Variants in TPCN2 observed in about 807,000 individuals in gnomAD.
The protein encoded by TPCN2 is two pore segment channel 2.
Under a neutral mutation model 111.4 loss-of-function variants are expected in TPCN2, and 92 were observed. The ratio of observed to expected loss-of-function variants is 0.83; its 90% CI spans 0.70 to 0.98. TPCN2 has a LOEUF of 0.98. Ranked by LOEUF, TPCN2 falls within the 50% of genes least tolerant of loss-of-function variation. The pLI is 0.00. For missense variants in TPCN2, 995 were observed against 980.1 expected (o/e 1.02, Z -0.20); for synonymous variants, 405 against 414.5 (o/e 0.98, Z 0.28).
chr11:69,064,849 T>C (rs1269267167), intron 7 of TPCN2, among the ~76,000 whole-genome samples: 11 of 152,020 alleles, frequency 7.2e-5, no homozygotes, highest in Admixed American at 7.2e-4. Context: ...TGTTTGTATG[T>C]GTAGGTGTAT....
chr11:69,072,277 TC>T (rs1490234522), intron 11 of TPCN2, among the ~76,000 whole-genome samples: 1 of 152,102 alleles, frequency 6.6e-6, no homozygotes, highest in African/African-American at 2.4e-5. Flanking sequence ...GGCCTTCTTG[TC>T]CCCCTTTGTG....
rs762175958 is a variant in TPCN2 at position 69,078,879 on chromosome 11, C to T, written c.1411-13C>T. On this transcript the variant is annotated splice_polypyrimidine_tract_variant and intron_variant, in intron 15 of 24. Transcript: ENST00000294309. ...TGGGGCCCAATGCTGGGTGCCTCTT[C>T]TGCCCCTTTCAGATTCTCAACTGCG... 5 of 1,614,054 alleles carry T rather than the reference C, an allele frequency of 3.1e-6. No homozygotes were observed. The South Asian group carries it at 5.5e-5, about 18-fold the overall frequency.
At chr11:69,057,199 C>T (rs1345567341) in intron 4 of TPCN2, among the ~76,000 whole-genome samples, 2 of 152,222 alleles carry the variant, frequency 1.3e-5, no homozygotes, top group Non-Finnish European at 2.9e-5. Context: ...ACCTCACTTC[C>T]CAAGCTGCCT....
rs116612690 is a variant in TPCN2 at position 69,057,419 on chromosome 11, G to A, written c.430-159G>A. On this transcript the variant is annotated intron_variant, in intron 4 of 24. Coordinates refer to ENST00000294309, the MANE Select transcript of TPCN2 (RefSeq NM_139075.4). ...CCCTAGCAGGCTTGGGCGGGAGCTC[G>A]GGCCTCCTGACTGCTGCTCTGCGTC... Among the ~76,000 whole-genome samples, 429 of 152,362 alleles carry A rather than the reference G, an allele frequency of 2.8e-3. 1 individual carries two copies. Among genetic ancestry groups the A allele is most frequent in the African/African-American group, 9.6e-3 (398 of 41,592 alleles).
Position 69,071,937 on chromosome 11 carries a change from C to A in TPCN2, c.975C>A (p.Thr325=), listed in dbSNP as rs1423810077. The A allele has an allele frequency of 6.2e-7, 1 of 1,613,894 alleles. No homozygotes were observed. Among genetic ancestry groups the A allele is most frequent in the Non-Finnish European group, 8.5e-7 (1 of 1,179,972 alleles). The change falls in exon 11 of 25, where the codon ACC becomes ACA. Residue 325 remains threonine, a synonymous_variant. Transcript: ENST00000294309. ...CCTCTTTGCAGAAATCTCTCCAGAC[C>A]TCGCTGTTTCGGAGGCGGCTGGGAA... The part of the protein sequence containing the change: ...FRGYLMKSLQ[T]SLFRRRLGTR...
At chr11:69,086,683 C>G in intron 23 of TPCN2, 79 bp downstream of exon 23, 1 of 1,404,528 alleles carries the variant, frequency 7.1e-7, no homozygotes, top group Non-Finnish European at 1.0e-6. Context: ...AGGCCACCGG[C>G]CGGGCCTGCC....
chr11:69,054,974 T>C (rs1405691240), intron 3 of TPCN2, among the ~76,000 whole-genome samples, 177 bp downstream of exon 3: 2 of 152,220 alleles, frequency 1.3e-5, no homozygotes, highest in East Asian at 3.8e-4. Flanking sequence ...AGGCTCCTTC[T>C]ACAACAAGGG....
At chr11:69,055,017 C>G (rs890585457) in intron 3 of TPCN2, 158 bp from the exon 4 acceptor site, 1 of 909,956 alleles carries the variant, frequency 1.1e-6, no homozygotes, top group Admixed American at 2.3e-5. Flanking sequence ...CAGCCCTCGG[C>G]AATGGAGCTT....
Position 69,078,747 on chromosome 11 carries a change from T to C in TPCN2, c.1364T>C (p.Leu455Pro). Residue 455 changes from leucine to proline, a missense_variant, in exon 15 of 25, where the codon CTG becomes CCG. Transcript: ENST00000294309. ...NLVSICVFLV[L>P]DADVLPAERD... ...CTGGCGTTGCAGGTGTTCCTGGTGC[T>C]GGATGCAGATGTGCTGCCTGCTGAG... The C allele has an allele frequency of 6.2e-7, 1 of 1,614,004 alleles. No homozygotes were observed. The highest frequency in any genetic ancestry group is 8.5e-7 in the Non-Finnish European group (1 of 1,180,038).
chr11:69,051,136 A>G (rs1349820849), intron 1 of TPCN2, among the ~76,000 whole-genome samples: 2 of 152,232 alleles, frequency 1.3e-5, no homozygotes, highest in African/African-American at 4.8e-5. Flanking sequence ...TCTCTTGCCA[A>G]CGGGTTGTGG....
At chr11:69,074,916 A>G (rs1019791400) in intron 13 of TPCN2, among the ~76,000 whole-genome samples, 10 of 152,192 alleles carry the variant, frequency 6.6e-5, no homozygotes, top group Admixed American at 3.3e-4. Context: ...CTGGTTGTCC[A>G]GAGCTGACTC....
At chr11:69,085,136 G>A in intron 19 of TPCN2, 74 bp from the exon 20 acceptor site, 1 of 1,393,538 alleles carries the variant, frequency 7.2e-7, no homozygotes, top group Non-Finnish European at 1.0e-6. Context: ...TGGCTTTGCG[G>A]TTCTGTCTGG....
intron 13 of TPCN2, among the ~76,000 whole-genome samples, chr11:69,075,716 G>A (rs1357777082): frequency 1.3e-5 from 2 of 152,240 alleles, no homozygotes; most frequent in Admixed American, 6.5e-5. Flanking sequence ...CACTGCCTGG[G>A]CGTCAGCCTG....
intron 4 of TPCN2, among the ~76,000 whole-genome samples, chr11:69,056,017 G>T (rs1381805775): frequency 2.6e-5 from 4 of 152,268 alleles, no homozygotes; most frequent in Non-Finnish European, 5.9e-5. Context: ...TGGGCCTTTG[G>T]TGCTCACCTA....
intron 7 of TPCN2, 115 bp downstream of exon 7, chr11:69,064,082 T>A: frequency 1.0e-6 from 1 of 1,001,154 alleles, no homozygotes; most frequent in Non-Finnish European, 1.5e-6. Flanking sequence ...CTCTGTCCAG[T>A]AATAGCAGTG....
chr11:69,088,033 A>G lies in TPCN2; in HGVS notation c.*80A>G. 1 of 1,291,206 alleles carries G rather than the reference A, an allele frequency of 7.7e-7. No homozygotes were observed. Among genetic ancestry groups the G allele is most frequent in the Non-Finnish European group, 1.1e-6 (1 of 933,072 alleles). The allele number at this position is 1,291,206 out of a possible 1,614,324, so 80.0% of individuals were successfully genotyped here. A position where few individuals can be genotyped will look rare whatever the true frequency, so the allele number is the denominator to read the frequency against. ...GGTGCCCGTCATGGAAGAGGCGGCC[A>G]TGCTGTGGCCAGCCAGGCAGGAAGA... On this transcript the variant is annotated 3_prime_UTR_variant, in exon 25 of 25. Coordinates refer to ENST00000294309, the MANE Select transcript of TPCN2 (RefSeq NM_139075.4).
chr11:69,062,998 C>T lies in TPCN2; in HGVS notation c.653+8C>T. ...GCTGCCGGAAATGGCCAGGTGGGCTCTTGGTGCTCTGGGCTCGCAGGGTTG... is the reference window on the plus strand; with the variant it reads ...GCTGCCGGAAATGGCCAGGTGGGCTTTTGGTGCTCTGGGCTCGCAGGGTTG... On this transcript the variant is annotated splice_region_variant and intron_variant, in intron 6 of 24. Transcript: ENST00000294309. 3 of 1,613,044 alleles carry T rather than the reference C, an allele frequency of 1.9e-6. No homozygotes were observed. Among genetic ancestry groups the T allele is most frequent in the Non-Finnish European group, 2.5e-6 (3 of 1,179,102 alleles).
intron 24 of TPCN2, 71 bp downstream of exon 24, chr11:69,087,277 G>A: frequency 1.4e-6 from 2 of 1,391,100 alleles, no homozygotes; most frequent in Non-Finnish European, 2.0e-6. Flanking sequence ...GGGTGGAGGG[G>A]TTGAGGCGGC....
rs762636781 is a variant in TPCN2, at chr11:69,054,769, C to A, written c.223C>A (p.Arg75=). Residue 75 remains arginine, a synonymous_variant, in exon 3 of 25, where the codon CGA becomes AGA. Coordinates refer to ENST00000294309, the MANE Select transcript of TPCN2 (RefSeq NM_139075.4). ...GGATGCCAGCTCGATGTGGCTTTAC[C>A]GACGGTATTACTCGAACGTATGCCA... The part of the protein sequence containing the change: ...RVDASSMWLY[R]RYYSNVCQRT... 7 of 1,614,020 alleles carry A rather than the reference C, an allele frequency of 4.3e-6. No homozygotes were observed. Among genetic ancestry groups the A allele is most frequent in the Non-Finnish European group, 5.9e-6 (7 of 1,180,018 alleles).
Sources: gnomAD v4.1 joint callset for allele counts (sites outside exome capture counted in the v4.1 genomes callset) on GRCh38, gnomAD v4.1.1 for gene constraint, MANE v1.5 for transcripts, NCBI Gene and HGNC (gene_info 2026-07-23, HGNC 2026-07-21) for gene names.